Variants in ZNF738 observed in about 807,000 individuals in gnomAD.
ZNF738 encodes protein ZNF738.
In ZNF738, 10 loss-of-function variants were observed where a neutral mutation model predicts 9.2. The observed-to-expected ratio is 1.09, with a 90% CI of 0.67 to 1.85. The LOEUF is 1.85. ZNF738 is among the 40% of genes most tolerant of loss of function. The pLI, the probability that ZNF738 is intolerant of heterozygous loss-of-function variation, is 0.00. For missense variants in ZNF738, 346 were observed against 283.6 expected (o/e 1.22, Z -1.58); for synonymous variants, 113 against 94.5 (o/e 1.20, Z -1.14).
At chr19:21,381,817 T>C (rs1348879211) in intron 4 of ZNF738, 2 of 292,204 alleles carry the variant, frequency 6.8e-6, no homozygotes, top group African/African-American at 4.6e-5. Context: ...GAAGTTGTTT[T>C]ACTTTGGTTA....
intron 2 of ZNF738, among the ~76,000 whole-genome samples, chr19:21,365,680 G>C (rs1973766702): frequency 6.6e-6 from 1 of 152,080 alleles, no homozygotes; most frequent in African/African-American, 2.4e-5. Flanking sequence ...ATCTAGGCTG[G>C]GCGTGGTAGC....
Position 21,375,321 on chromosome 19 carries a change from T to C in ZNF738, c.180T>C (p.Tyr60=). ...TGGACACTGCTCAGCAAGATTTGTATAGGAAAGTGATGTTAGAGAACTTCA... is the reference window on the plus strand; with the variant it reads ...TGGACACTGCTCAGCAAGATTTGTACAGGAAAGTGATGTTAGAGAACTTCA... ...QCLDTAQQDL[Y]RKVMLENFRN... The change falls in exon 3 of 5, where the codon TAT becomes TAC. Residue 60 remains tyrosine, a synonymous_variant. Coordinates refer to ENST00000683779, the MANE Select transcript of ZNF738 (RefSeq NM_001355237.2). The C allele has an allele frequency of 9.3e-7, 1 of 1,070,616 alleles. No homozygotes were observed. Among genetic ancestry groups the C allele is most frequent in the Non-Finnish European group, 1.5e-6 (1 of 686,720 alleles). The allele number at this position is 1,070,616 out of a possible 1,614,324, so 66.3% of individuals were successfully genotyped here.
intron 2 of ZNF738, among the ~76,000 whole-genome samples, chr19:21,368,271 C>T (rs572321384): frequency 6.6e-6 from 1 of 151,880 alleles, no homozygotes; most frequent in Admixed American, 6.6e-5. Flanking sequence ...ACTAGGCCTC[C>T]ATGACTGTTC....
chr19:21,365,753 T>C (rs1258226858), intron 2 of ZNF738, among the ~76,000 whole-genome samples: 2 of 151,984 alleles, frequency 1.3e-5, no homozygotes, highest in Non-Finnish European at 2.9e-5. Context: ...GGTCAGGAGT[T>C]CAAGACCAGC....
chr19:21,366,849 TG>T (rs1599712899), intron 2 of ZNF738, among the ~76,000 whole-genome samples: 2 of 152,166 alleles, frequency 1.3e-5, no homozygotes, highest in East Asian at 3.9e-4. Context: ...ATCACCATCT[TG>T]GTTTTGGTGG....
At chr19:21,368,989 C>T (rs1005740795) in intron 2 of ZNF738, among the ~76,000 whole-genome samples, 6 of 152,124 alleles carry the variant, frequency 3.9e-5, no homozygotes, top group African/African-American at 1.4e-4. Flanking sequence ...CCATCTGCGT[C>T]AGCCTCCCAA....
rs1599722581 is a variant in ZNF738 at position 21,387,291 on chromosome 19, T to A, written c.*3617T>A. On this transcript the variant is annotated 3_prime_UTR_variant, in exon 5 of 5. Coordinates refer to ENST00000683779, the MANE Select transcript of ZNF738 (RefSeq NM_001355237.2). ...GCAAACTCCGCCTCCCAGGTTCAAG[T>A]GATTCTCCTACCTCAGCCTCCCAAG... The A allele has an allele frequency of 6.6e-6, 1 of 152,074 alleles. No homozygotes were observed. The highest frequency in any genetic ancestry group is 1.5e-5 in the Non-Finnish European group (1 of 68,114). The allele number at this position is 152,074 out of a possible 1,614,324, so 9.4% of individuals were successfully genotyped here.
intron 2 of ZNF738, among the ~76,000 whole-genome samples, chr19:21,367,139 AC>A (rs1318965749): frequency 8.5e-5 from 13 of 152,350 alleles, no homozygotes; most frequent in African/African-American, 2.9e-4. Flanking sequence ...TTCCTGAAGA[AC>A]ACAAAGGATG....
intron 4 of ZNF738, chr19:21,377,519 C>G: frequency 1.7e-6 from 1 of 573,074 alleles, no homozygotes; most frequent in Non-Finnish European, 3.1e-6. Flanking sequence ...CGTGCACACA[C>G]ACACACACAC....
chr19:21,384,207 C>T lies in ZNF738; in HGVS notation c.*533C>T. The T allele has an allele frequency of 1.4e-6, 2 of 1,398,782 alleles. No homozygotes were observed. Among genetic ancestry groups the T allele is most frequent in the Non-Finnish European group, 1.0e-6 (1 of 990,748 alleles). 86.6% of individuals were successfully genotyped at this position (1,398,782 alleles called of 1,614,324 possible). ...CAAAGCTTTTAACTGGTACTCACGCCTTACTACACATAAGAGAATTCATAC... is the reference window on the plus strand; with the variant it reads ...CAAAGCTTTTAACTGGTACTCACGCTTTACTACACATAAGAGAATTCATAC... On this transcript the variant is annotated 3_prime_UTR_variant, in exon 5 of 5. Transcript: ENST00000683779.
At chr19:21,375,475 C>A (rs1973915493) in intron 3 of ZNF738, 111 bp downstream of exon 3, 3 of 536,916 alleles carry the variant, frequency 5.6e-6, no homozygotes, top group South Asian at 6.0e-5. Flanking sequence ...GTTTCTGATC[C>A]CTGTTTTCAA....
At chr19:21,371,768 A>AGTT (rs74279161) in intron 2 of ZNF738, among the ~76,000 whole-genome samples, 144,726 of 152,116 alleles carry the variant, frequency 0.95, 69,112 homozygotes, top group Middle Eastern at 1. Flanking sequence ...TGGACTGAAG[A>AGTT]GTTATTATTA....
Position 21,384,439 on chromosome 19 carries a change from AT to A in ZNF738, c.*768del, listed in dbSNP as rs1257468162. Among the ~76,000 whole-genome samples, 1 of 150,236 alleles carries A rather than the reference AT, an allele frequency of 6.7e-6. No homozygotes were observed. Among genetic ancestry groups the A allele is most frequent in the African/African-American group, 2.5e-5 (1 of 40,718 alleles). On this transcript the variant is annotated 3_prime_UTR_variant, in exon 5 of 5. Coordinates refer to ENST00000683779, the MANE Select transcript of ZNF738 (RefSeq NM_001355237.2). ...TACAAATGTTTAGAATGTGGCAAAG[AT>A]TTCTACCAATTCTCATACCTTACTA...
intron 4 of ZNF738, chr19:21,376,250 A>G (rs190076231): frequency 1.4e-3 from 389 of 274,192 alleles, no homozygotes; most frequent in Non-Finnish European, 2.3e-3. Context: ...CATGGCATAT[A>G]AAAGACTGCA....
intron 4 of ZNF738, chr19:21,377,512 G>GCACACA (rs112058265): frequency 7.9e-4 from 430 of 546,596 alleles, no homozygotes; most frequent in Middle Eastern, 1.6e-3. Flanking sequence ...ACACAGACGT[G>GCACACA]CACACACACA....
chr19:21,361,459 G>T (rs1161472040), intron 1 of ZNF738, among the ~76,000 whole-genome samples: 2 of 152,184 alleles, frequency 1.3e-5, no homozygotes, highest in African/African-American at 4.8e-5. Context: ...TTTTAAGAAG[G>T]TTTGTTATCT....
At chr19:21,371,237 T>C (rs189237705) in intron 2 of ZNF738, among the ~76,000 whole-genome samples, 2 of 152,350 alleles carry the variant, frequency 1.3e-5, no homozygotes, top group African/African-American at 4.8e-5. Context: ...TTCCATTTTC[T>C]ATTTAGAATC....
intron 4 of ZNF738, among the ~76,000 whole-genome samples, chr19:21,382,248 G>GT (rs113238653): frequency 0.21 from 29,605 of 138,010 alleles, 3,135 homozygotes; most frequent in Non-Finnish European, 0.24. Flanking sequence ...ACTTCTTTTT[G>GT]TTTTTTTTTT....
chr19:21,365,711 C>G (rs1475493281), intron 2 of ZNF738, among the ~76,000 whole-genome samples: 8 of 152,116 alleles, frequency 5.3e-5, no homozygotes, highest in African/African-American at 1.9e-4. Flanking sequence ...AATCCAAGCA[C>G]TCTGAGAAGC....
Sources: gnomAD v4.1 joint callset for allele counts (sites outside exome capture counted in the v4.1 genomes callset) on GRCh38, gnomAD v4.1.1 for gene constraint, MANE v1.5 for transcripts, NCBI Gene and HGNC (gene_info 2026-07-23, HGNC 2026-07-21) for gene names.